Variants in ANO2 observed in about 807,000 individuals in gnomAD.
ANO2 encodes the protein anoctamin-2.
A neutral mutation model predicts 124.2 loss-of-function variants in ANO2; 101 were observed. The ratio of observed to expected loss-of-function variants is 0.81; its 90% CI spans 0.69 to 0.96. The LOEUF (loss-of-function observed/expected upper bound fraction) is 0.96. Ranked by LOEUF, ANO2 falls within the 40% of genes least tolerant of loss-of-function variation. The probability of loss-of-function intolerance (pLI) is 0.00; values close to 1 mark genes in which losing one functional copy is unlikely to be tolerated. For synonymous variants in ANO2, 486 were observed against 482.5 expected, an observed-to-expected ratio of 1.01 and a Z score of -0.09; for missense variants, 1,293 against 1,274.5, an observed-to-expected ratio of 1.01 and a Z score of -0.22.
intron 13 of ANO2, among the ~76,000 whole-genome samples, chr12:5,734,880 C>T (rs1210873973): frequency 6.6e-6 from 1 of 152,170 alleles, no homozygotes; most frequent in Non-Finnish European, 1.5e-5. Flanking sequence ...GAACTCCTAA[C>T]CTCAGGTGAT....
At chr12:5,945,955 G>A (rs892056810), upstream of ANO2, among the ~76,000 whole-genome samples, 1 of 152,236 alleles carries the variant, frequency 6.6e-6, no homozygotes, top group Non-Finnish European at 1.5e-5. Flanking sequence ...CAGAGGGGAA[G>A]AGGAGTGCCA....
chr12:5,669,098 C>T (rs2136984511), intron 14 of ANO2, among the ~76,000 whole-genome samples: 1 of 152,124 alleles, frequency 6.6e-6, no homozygotes, highest in East Asian at 1.9e-4. Flanking sequence ...TCAATGGTAG[C>T]TTAATGAGAA....
intron 7 of ANO2, among the ~76,000 whole-genome samples, chr12:5,815,478 T>C (rs1301717417): frequency 6.6e-6 from 1 of 152,136 alleles, no homozygotes; most frequent in Non-Finnish European, 1.5e-5. Flanking sequence ...TATGTAGACA[T>C]GTTCTACATA....
intron 19 of ANO2, among the ~76,000 whole-genome samples, chr12:5,604,284 AGG>A (rs1281252944): frequency 4.6e-5 from 7 of 151,890 alleles, no homozygotes; most frequent in Admixed American, 2.6e-4. Flanking sequence ...GATGAGGATG[AGG>A]AGGAGGAGGA....
intron 3 of ANO2, among the ~76,000 whole-genome samples, chr12:5,897,349 A>AG (rs1490765281): frequency 2.0e-5 from 3 of 152,096 alleles, no homozygotes; most frequent in Admixed American, 1.3e-4. Context: ...AGAAAAAAAA[A>AG]CTGCTCAGGT....
intron 14 of ANO2, among the ~76,000 whole-genome samples, chr12:5,696,450 A>G (rs899909233): frequency 6.6e-6 from 1 of 152,234 alleles, no homozygotes; most frequent in African/African-American, 2.4e-5. Context: ...AAACATGAAT[A>G]TAACAAAACC....
At chr12:5,599,822 C>A (rs71581014) in intron 19 of ANO2, among the ~76,000 whole-genome samples, 193 bp from the exon 20 acceptor site, 1 of 152,164 alleles carries the variant, frequency 6.6e-6, no homozygotes, top group Non-Finnish European at 1.5e-5. Context: ...TTATAAAGAT[C>A]GTGCAGACTC....
chr12:5,612,926 A>T lies in ANO2; in HGVS notation c.1961T>A (p.Val654Glu). The T allele has an allele frequency of 6.2e-7, 1 of 1,613,972 alleles. No individual in the cohort carries two copies. The highest frequency in any genetic ancestry group is 1.3e-5 in the African/African-American group (1 of 75,030). The part of the protein sequence containing the change: ...FVGRPGSYVY[V>E]FDGYRMEECA... ...CTCTTCCATGCGGTAACCATCGAAT[A>T]CATAGACGTAGCTTCCAGGCCTGCC... The change falls in exon 18 of 25, where the codon GTA (valine) becomes GAA (glutamate). Residue 654 changes from valine to glutamate, a missense_variant. Val to Glu is a moderately radical substitution (Grantham distance 121). Coordinates refer to ENST00000682330, the MANE Select transcript of ANO2 (RefSeq NM_001364791.2).
intron 14 of ANO2, among the ~76,000 whole-genome samples, chr12:5,694,841 G>A (rs1294308719): frequency 6.6e-6 from 1 of 152,076 alleles, no homozygotes; most frequent in Non-Finnish European, 1.5e-5. Context: ...GAGATGGCCT[G>A]AATTCAGTGC....
intron 16 of ANO2, among the ~76,000 whole-genome samples, chr12:5,626,567 T>C (rs1945418186): frequency 6.6e-6 from 1 of 152,108 alleles, no homozygotes; most frequent in Admixed American, 6.6e-5. Context: ...TACCCAGGCA[T>C]CTCCATGTTT....
At chr12:5,626,444 A>G (rs1379907969) in intron 16 of ANO2, among the ~76,000 whole-genome samples, 1 of 152,146 alleles carries the variant, frequency 6.6e-6, no homozygotes, top group Non-Finnish European at 1.5e-5. Flanking sequence ...CCAGGCCTGG[A>G]GTACGGAGGG....
At chr12:5,601,767 A>C (rs1403602229) in intron 19 of ANO2, among the ~76,000 whole-genome samples, 1 of 152,280 alleles carries the variant, frequency 6.6e-6, no homozygotes, top group Non-Finnish European at 1.5e-5. Context: ...AAAAAGTATA[A>C]AACCACAAAT....
intron 14 of ANO2, among the ~76,000 whole-genome samples, chr12:5,710,003 G>A (rs998720170): frequency 6.6e-6 from 1 of 152,234 alleles, no homozygotes; most frequent in Non-Finnish European, 1.5e-5. Context: ...TAGGTAGTTG[G>A]AGTTGAGGAT....
At chr12:5,724,371 C>G (rs1950350483) in intron 14 of ANO2, among the ~76,000 whole-genome samples, 1 of 152,170 alleles carries the variant, frequency 6.6e-6, no homozygotes, top group Non-Finnish European at 1.5e-5. Flanking sequence ...TTCATCTACT[C>G]AAAGAACTGA....
At chr12:5,772,623 T>C (rs754799252) in intron 10 of ANO2, among the ~76,000 whole-genome samples, 5 of 152,210 alleles carry the variant, frequency 3.3e-5, no homozygotes, top group Non-Finnish European at 4.4e-5. Flanking sequence ...AATGTATTTG[T>C]TGGAACATCT....
intron 3 of ANO2, among the ~76,000 whole-genome samples, chr12:5,905,759 A>G (rs1479811338): frequency 1.3e-5 from 2 of 152,214 alleles, no homozygotes; most frequent in African/African-American, 4.8e-5. Flanking sequence ...AGAAGGCCAG[A>G]ACTAGAAAAG....
intron 1 of ANO2, among the ~76,000 whole-genome samples, chr12:5,939,981 C>A (rs558517765): frequency 3.3e-4 from 50 of 152,294 alleles, no homozygotes; most frequent in Non-Finnish European, 3.7e-4. Context: ...CATTTATCTC[C>A]CCAAGTAGGC....
intron 16 of ANO2, 66 bp from the exon 17 acceptor site, chr12:5,615,363 T>C (rs1944752971): frequency 1.6e-6 from 2 of 1,215,672 alleles, no homozygotes; most frequent in Admixed American, 2.0e-5. Context: ...AGTTTTGACC[T>C]AGACATGAGC....
intron 14 of ANO2, among the ~76,000 whole-genome samples, chr12:5,672,380 G>A (rs371469398): frequency 2.6e-5 from 4 of 152,228 alleles, no homozygotes; most frequent in African/African-American, 4.8e-5. Context: ...TCATGGAGCC[G>A]GGGAACTATG....
Sources: gnomAD v4.1 joint callset for allele counts (sites outside exome capture counted in the v4.1 genomes callset) on GRCh38, gnomAD v4.1.1 for gene constraint, MANE v1.5 for transcripts, NCBI Gene and HGNC (gene_info 2026-07-23, HGNC 2026-07-21) for gene names.